The following HS6ST3 variants were observed in gnomAD, a reference collection of about 807,000 sequenced individuals.
HS6ST3 encodes the protein heparan-sulfate 6-O-sulfotransferase 3.
In HS6ST3, 12 loss-of-function variants were observed where a neutral mutation model predicts 36.7. The observed-to-expected ratio is 0.33, with a 90% CI of 0.21 to 0.53. The LOEUF is 0.53. Among genes scored for constraint, HS6ST3 ranks in the 20% least tolerant of loss-of-function variants. The pLI, the probability that HS6ST3 is intolerant of heterozygous loss-of-function variation, is 0.95. For missense variants in HS6ST3, 584 were observed against 640.9 expected (o/e 0.91, Z 0.96); for synonymous variants, 240 against 257.5 (o/e 0.93, Z 0.65).
chr13:96,176,131 A>C (rs1259832165), intron 1 of HS6ST3, among the ~76,000 whole-genome samples: 3 of 152,266 alleles, frequency 2.0e-5, no homozygotes, highest in Non-Finnish European at 4.4e-5. Context: ...TCCTGGCCAA[A>C]TATATTTAAA....
intron 1 of HS6ST3, among the ~76,000 whole-genome samples, chr13:96,794,665 T>C (rs1877868391): frequency 6.6e-6 from 1 of 152,038 alleles, no homozygotes; most frequent in South Asian, 2.1e-4. Context: ...TGATTTCTGA[T>C]ATGAACTTGA....
At chr13:96,745,618 A>G (rs1876543878) in intron 1 of HS6ST3, among the ~76,000 whole-genome samples, 7 of 152,120 alleles carry the variant, frequency 4.6e-5, no homozygotes, top group Admixed American at 4.6e-4. Context: ...GGAAAAGGAT[A>G]AAACCAGACC....
At chr13:96,222,011 A>G (rs1168293194) in intron 1 of HS6ST3, among the ~76,000 whole-genome samples, 1 of 152,242 alleles carries the variant, frequency 6.6e-6, no homozygotes, top group Admixed American at 6.5e-5. Context: ...TGGCTGAACT[A>G]TAAACTGTAG....
chr13:96,307,882 A>G (rs190722491), intron 1 of HS6ST3, among the ~76,000 whole-genome samples: 545 of 152,164 alleles, frequency 3.6e-3, no homozygotes, highest in Non-Finnish European at 4.5e-3. Context: ...AGAGTGGGGG[A>G]AAAAGAAAAC....
chr13:96,312,951 CAAAAAAA>C lies in HS6ST3; in HGVS notation c.707+221399_707+221405del, dbSNP rs754098470. ...TGGGTGACAGAGTGAGACCCTGTCT[CAAAAAAA>C]AAAAAAAAAAAAAAAAGTGAAATTA... is the stretch of plus-strand genomic sequence containing the variant. On this transcript the variant is annotated intron_variant, in intron 1 of 1. Transcript: ENST00000376705. Among the ~76,000 whole-genome samples the C allele has an allele frequency of 2.7e-4, 22 of 81,422 alleles. No individual in the cohort carries two copies. In the East Asian group the frequency reaches 4.3e-3, roughly 16 times the overall value. The allele number at this position is 81,422 out of a possible 152,430, so 53.4% of individuals were successfully genotyped here.
intron 1 of HS6ST3, among the ~76,000 whole-genome samples, chr13:96,215,212 G>A (rs2054418765): frequency 6.6e-6 from 1 of 152,168 alleles, no homozygotes; most frequent in South Asian, 2.1e-4. Flanking sequence ...TGGTGACGCT[G>A]CATATCAGCA....
chr13:96,485,979 A>G (rs531616590), intron 1 of HS6ST3, among the ~76,000 whole-genome samples: 7 of 151,216 alleles, frequency 4.6e-5, no homozygotes, highest in Non-Finnish European at 1.0e-4. Flanking sequence ...TCGTCATTTA[A>G]CATTAGGTAT....
chr13:96,152,316 C>CTTTTTTTTTTTTTTTTTTT (rs766489670), intron 1 of HS6ST3, among the ~76,000 whole-genome samples: 1 of 97,094 alleles, frequency 1.0e-5, no homozygotes, highest in African/African-American at 3.9e-5. Context: ...GGCCCCTTTC[C>CTTTTTTTTTTTTTTTTTTT]TTTTTTTTTT....
At chr13:96,258,826 G>A (rs1405754542) in intron 1 of HS6ST3, among the ~76,000 whole-genome samples, 2 of 152,116 alleles carry the variant, frequency 1.3e-5, no homozygotes, top group Non-Finnish European at 2.9e-5. Context: ...AAGGACTTGA[G>A]AAATAGTGAT....
At chr13:96,767,247 T>C (rs182280735) in intron 1 of HS6ST3, among the ~76,000 whole-genome samples, 13 of 152,202 alleles carry the variant, frequency 8.5e-5, no homozygotes, top group African/African-American at 3.1e-4. Flanking sequence ...AAATACCTTC[T>C]ATCTATAACA....
intron 1 of HS6ST3, among the ~76,000 whole-genome samples, chr13:96,146,426 G>T (rs183656954): frequency 7.9e-5 from 12 of 152,232 alleles, no homozygotes; most frequent in Admixed American, 5.2e-4. Context: ...AATTGTGAAT[G>T]GGAGTGCACT....
At chr13:96,513,205 C>G (rs1281835013) in intron 1 of HS6ST3, among the ~76,000 whole-genome samples, 1 of 151,826 alleles carries the variant, frequency 6.6e-6, no homozygotes. Flanking sequence ...TGTTATCTCT[C>G]TCCTTATCCT....
At chr13:96,647,505 G>T (rs1340050089) in intron 1 of HS6ST3, among the ~76,000 whole-genome samples, 2 of 151,926 alleles carry the variant, frequency 1.3e-5, no homozygotes, top group Admixed American at 6.6e-5. Flanking sequence ...GTTTAAGTGC[G>T]ATGCCTTGTA....
intron 1 of HS6ST3, among the ~76,000 whole-genome samples, chr13:96,465,115 G>A (rs939332036): frequency 2.0e-5 from 3 of 152,080 alleles, no homozygotes; most frequent in Non-Finnish European, 2.9e-5. Context: ...CCATGATTAG[G>A]TTGTAGATGG....
intron 1 of HS6ST3, among the ~76,000 whole-genome samples, chr13:96,750,783 C>G (rs1159112781): frequency 6.6e-6 from 1 of 152,120 alleles, no homozygotes; most frequent in Non-Finnish European, 1.5e-5. Context: ...ATTAGCTTCC[C>G]TTGAAAATTC....
intron 1 of HS6ST3, among the ~76,000 whole-genome samples, chr13:96,737,270 A>C (rs1876307154): frequency 6.6e-6 from 1 of 152,226 alleles, no homozygotes; most frequent in Non-Finnish European, 1.5e-5. Context: ...GAATGAATGA[A>C]GAGGATGAAT....
chr13:96,366,781 T>G (rs1236555033), intron 1 of HS6ST3, among the ~76,000 whole-genome samples: 1 of 152,162 alleles, frequency 6.6e-6, no homozygotes, highest in East Asian at 1.9e-4. Flanking sequence ...TCACCTTGAA[T>G]TGTAATAATC....
intron 1 of HS6ST3, among the ~76,000 whole-genome samples, chr13:96,431,062 G>T (rs368809072): frequency 1.3e-5 from 2 of 151,968 alleles, no homozygotes; most frequent in Admixed American, 1.3e-4. Flanking sequence ...AGTATAGCAG[G>T]GTGTGGTGGT....
At chr13:96,742,007 G>A (rs909739401) in intron 1 of HS6ST3, among the ~76,000 whole-genome samples, 1 of 152,144 alleles carries the variant, frequency 6.6e-6, no homozygotes, top group African/African-American at 2.4e-5. Flanking sequence ...GTCTCTGCAA[G>A]CCAGATTAGG....
Sources: gnomAD v4.1 joint callset for allele counts (sites outside exome capture counted in the v4.1 genomes callset) on GRCh38, gnomAD v4.1.1 for gene constraint, MANE v1.5 for transcripts, NCBI Gene and HGNC (gene_info 2026-07-23, HGNC 2026-07-21) for gene names.